RNF38: variants seen among roughly 807,000 people sequenced by gnomAD.
The protein encoded by RNF38 is E3 ubiquitin-protein ligase RNF38.
In RNF38, 15 loss-of-function variants were observed where a neutral mutation model predicts 67.2. The observed-to-expected ratio is 0.22, with a 90% CI of 0.15 to 0.34. The LOEUF (loss-of-function observed/expected upper bound fraction) is 0.34. Among genes scored for constraint, RNF38 ranks in the 10% least tolerant of loss-of-function variants. The pLI is 1.00. For synonymous variants in RNF38, 220 were observed against 218.8 expected (o/e 1.01, Z -0.05); for missense variants, 524 against 639.9 (o/e 0.82, Z 1.95).
intron 1 of RNF38, among the ~76,000 whole-genome samples, chr9:36,392,095 A>C (rs1018388492): frequency 6.6e-6 from 1 of 152,190 alleles, no homozygotes; most frequent in Admixed American, 6.5e-5. Flanking sequence ...AGCAGCCAGA[A>C]ACCGATCATA....
intron 2 of RNF38, among the ~76,000 whole-genome samples, chr9:36,380,990 G>A (rs2072297401): frequency 6.6e-6 from 1 of 152,148 alleles, no homozygotes; most frequent in Non-Finnish European, 1.5e-5. Context: ...TAAAAAGGAA[G>A]ACAAGAAAAA....
chr9:36,437,924 C>G (rs1180231651), intron 1 of RNF38, among the ~76,000 whole-genome samples: 1 of 152,116 alleles, frequency 6.6e-6, no homozygotes, highest in Non-Finnish European at 1.5e-5. Flanking sequence ...ATAAATGTAC[C>G]ATTTTTCTGT....
In RNF38 at chr9:36,339,046, A is replaced by C. The variant is rs750213032; in HGVS notation, c.*706T>G. 3 of 152,620 alleles carry C rather than the reference A, an allele frequency of 2.0e-5. No individual in the cohort carries two copies. Among genetic ancestry groups the C allele is most frequent in the Admixed American group, 6.5e-5 (1 of 15,276 alleles). The allele number at this position is 152,620 out of a possible 1,614,324, so 9.5% of individuals were successfully genotyped here. ...GACAGCTGCCTGAAGCAAAGGAAGA[A>C]GGCTTTTCTCATTCCATTCACTGGG... is the stretch of plus-strand genomic sequence containing the variant. On this transcript the variant is annotated 3_prime_UTR_variant, in exon 12 of 12. Coordinates refer to ENST00000259605, the MANE Select transcript of RNF38 (RefSeq NM_022781.5).
At chr9:36,459,026 G>A (rs1306428806) in intron 1 of RNF38, among the ~76,000 whole-genome samples, 2 of 152,056 alleles carry the variant, frequency 1.3e-5, no homozygotes, top group African/African-American at 2.4e-5. Context: ...TGGCCAACAT[G>A]GTGAAACCCT....
chr9:36,415,757 T>C (rs1838448087), intron 2 of RNF38, among the ~76,000 whole-genome samples: 1 of 152,100 alleles, frequency 6.6e-6, no homozygotes, highest in South Asian at 2.1e-4. Flanking sequence ...CTTGGTAGTT[T>C]TGTTTAGTGC....
chr9:36,475,365 TTG>T (rs963041519), intron 1 of RNF38, among the ~76,000 whole-genome samples: 4 of 151,836 alleles, frequency 2.6e-5, no homozygotes, highest in Non-Finnish European at 4.4e-5. Flanking sequence ...CATTATCTTT[TTG>T]TGTGTGTGTA....
chr9:36,403,006 C>T (rs1838092962), upstream of RNF38, among the ~76,000 whole-genome samples: 1 of 152,134 alleles, frequency 6.6e-6, no homozygotes, highest in African/African-American at 2.4e-5. Context: ...CACTATGTTG[C>T]CCAGGCTGGT....
At position 36,339,750 on chromosome 9, in the gene RNF38, G is replaced by A; in HGVS notation, c.*2C>T. ...AAACTAAATTTGTGCTTCTTAGGTT[G>A]GTCATTCTGAATCCCGATGCACTTC... On this transcript the variant is annotated 3_prime_UTR_variant, in exon 12 of 12. Transcript: ENST00000259605. The A allele has an allele frequency of 6.2e-7, 1 of 1,611,390 alleles. No homozygotes were observed. The highest frequency in any genetic ancestry group is 8.5e-7 in the Non-Finnish European group (1 of 1,177,998).
At chr9:36,455,910 CAAA>C (rs557637828) in intron 1 of RNF38, among the ~76,000 whole-genome samples, 4 of 94,176 alleles carry the variant, frequency 4.2e-5, no homozygotes, top group African/African-American at 7.7e-5. Flanking sequence ...GACTCCACCT[CAAA>C]AAAAAAAAAA....
intron 2 of RNF38, among the ~76,000 whole-genome samples, chr9:36,422,256 A>C (rs1372469856): frequency 6.6e-6 from 1 of 151,892 alleles, no homozygotes; most frequent in African/African-American, 2.4e-5. Flanking sequence ...CAAACAAACA[A>C]ACATAAAAAT....
At chr9:36,402,237 A>C (rs1838062719), upstream of RNF38, among the ~76,000 whole-genome samples, 3 of 152,146 alleles carry the variant, frequency 2.0e-5, no homozygotes, top group Admixed American at 2.0e-4. Context: ...CCCTATGAAC[A>C]TATCCACCCC....
intron 1 of RNF38, among the ~76,000 whole-genome samples, chr9:36,484,402 CCATT>C (rs1373557473): frequency 6.6e-6 from 1 of 152,060 alleles, no homozygotes; most frequent in Non-Finnish European, 1.5e-5. Context: ...TAGGAGAGGT[CCATT>C]ATTATGAAAC....
chr9:36,345,011 T>C (rs1438231360), intron 9 of RNF38, 58 bp from the exon 10 acceptor site: 1 of 725,858 alleles, frequency 1.4e-6, no homozygotes. Flanking sequence ...ATTCCAATAC[T>C]TTTTTTTTTT....
intron 2 of RNF38, among the ~76,000 whole-genome samples, chr9:36,421,402 G>T (rs139353465): frequency 6.6e-6 from 1 of 151,528 alleles, no homozygotes; most frequent in Non-Finnish European, 1.5e-5. Context: ...GGTGGCTCAC[G>T]CCTGTAATAC....
At chr9:36,402,331 A>G (rs1416497060), upstream of RNF38, among the ~76,000 whole-genome samples, 3 of 151,496 alleles carry the variant, frequency 2.0e-5, no homozygotes, top group African/African-American at 7.3e-5. Flanking sequence ...GATCACATCT[A>G]AACTTGTTTT....
intron 1 of RNF38, among the ~76,000 whole-genome samples, chr9:36,398,379 G>A (rs1837709024): frequency 6.6e-6 from 1 of 152,052 alleles, no homozygotes; most frequent in Non-Finnish European, 1.5e-5. Context: ...GTCCAGAAGG[G>A]ACAACATAGC....
chr9:36,472,318 T>C, intron 1 of RNF38, among the ~76,000 whole-genome samples: 1 of 152,222 alleles, frequency 6.6e-6, no homozygotes, highest in East Asian at 1.9e-4. Context: ...TTCCACAGTT[T>C]AGTAATTATG....
At chr9:36,341,109 A>G (rs1832792884) in intron 11 of RNF38, among the ~76,000 whole-genome samples, 2 of 152,126 alleles carry the variant, frequency 1.3e-5, no homozygotes, top group African/African-American at 2.4e-5. Flanking sequence ...GGATCACACT[A>G]AACTCCTTTA....
chr9:36,474,725 T>C (rs1159571789), intron 1 of RNF38, among the ~76,000 whole-genome samples: 2 of 148,162 alleles, frequency 1.3e-5, no homozygotes, highest in Admixed American at 6.7e-5. Context: ...CCTTAAATAA[T>C]AAGCACACAA....
Sources: allele counts gnomAD v4.1 joint callset (sites outside exome capture counted in the v4.1 genomes callset), GRCh38; gene constraint gnomAD v4.1.1; transcripts MANE v1.5; gene names NCBI Gene and HGNC (gene_info 2026-07-23, HGNC 2026-07-21).